Variants in COL4A2 observed in about 807,000 individuals in gnomAD.
COL4A2 encodes collagen alpha-2(IV) chain.
Under a neutral mutation model 200.2 loss-of-function variants are expected in COL4A2, and 99 were observed. That is an observed-to-expected ratio of 0.49 (90% CI 0.42 to 0.58). The LOEUF is 0.58. Among genes scored for constraint, COL4A2 ranks in the 20% least tolerant of loss-of-function variants. The pLI is 0.00. For synonymous variants in COL4A2, 897 were observed against 900.6 expected, an observed-to-expected ratio of 1.00 and a Z score of 0.07; for missense variants, 1,950 against 2,314.1, an observed-to-expected ratio of 0.84 and a Z score of 3.23.
intron 6 of COL4A2, among the ~76,000 whole-genome samples, chr13:110,428,039 C>T (rs918435146): frequency 5.3e-5 from 8 of 152,214 alleles, no homozygotes; most frequent in African/African-American, 1.4e-4. Context: ...CTTCTAAAAT[C>T]TTTCCTAGAA....
chr13:110,486,764 G>A (rs1337643399), intron 34 of COL4A2, among the ~76,000 whole-genome samples: 3 of 150,698 alleles, frequency 2.0e-5, no homozygotes, highest in Non-Finnish European at 2.9e-5. Flanking sequence ...AAGGGGGGTT[G>A]TTCTCTGGCG....
chr13:110,462,818 G>A (rs1882086217), intron 24 of COL4A2, among the ~76,000 whole-genome samples: 1 of 152,274 alleles, frequency 6.6e-6, no homozygotes, highest in Middle Eastern at 3.4e-3. Context: ...CTCAGGGGAG[G>A]CTGGGGTCAG....
intron 3 of COL4A2, among the ~76,000 whole-genome samples, chr13:110,323,803 A>G: frequency 6.6e-6 from 1 of 152,218 alleles, no homozygotes; most frequent in Non-Finnish European, 1.5e-5. Context: ...CAATAGACAG[A>G]GCTGGTGGGA....
intron 39 of COL4A2, 71 bp downstream of exon 39, chr13:110,493,353 C>A: frequency 1.3e-6 from 2 of 1,504,336 alleles, no homozygotes; most frequent in Non-Finnish European, 1.8e-6. Flanking sequence ...GCTGAGTCTG[C>A]CCTCCAGACT....
Position 110,447,618 on chromosome 13 carries a change from C to T in COL4A2, c.1078+754C>T, listed in dbSNP as rs1051090679. On this transcript the variant is annotated intron_variant, in intron 18 of 47. Transcript: ENST00000360467. ...TGATAATCGTGCGTATATATCTTTG[C>T]GGATCATTGGCCCATGTTATAGTCA... Among the ~76,000 whole-genome samples, 9 of 152,234 alleles carry T rather than the reference C, an allele frequency of 5.9e-5. No individual in the cohort carries two copies. In the East Asian group the frequency reaches 1.2e-3, roughly 20 times the overall value.
At chr13:110,353,844 G>T (rs1877069200) in intron 3 of COL4A2, among the ~76,000 whole-genome samples, 1 of 152,222 alleles carries the variant, frequency 6.6e-6, no homozygotes, top group South Asian at 2.1e-4. Flanking sequence ...CGTGGAATGA[G>T]CAGGGCTGCC....
intron 18 of COL4A2, among the ~76,000 whole-genome samples, 157 bp from the exon 19 acceptor site, chr13:110,449,522 G>C (rs1881452665): frequency 6.6e-6 from 1 of 152,192 alleles, no homozygotes; most frequent in Admixed American, 6.5e-5. Flanking sequence ...CCCTTAAAAA[G>C]AGAGACCACC....
intron 40 of COL4A2, among the ~76,000 whole-genome samples, 194 bp from the exon 41 acceptor site, chr13:110,501,474 C>T (rs1464240885): frequency 6.6e-6 from 1 of 152,170 alleles, no homozygotes; most frequent in Non-Finnish European, 1.5e-5. Context: ...TTCACATAGC[C>T]CCTGCCCCCC....
chr13:110,359,233 T>C (rs1367961726), intron 4 of COL4A2, among the ~76,000 whole-genome samples: 3 of 152,220 alleles, frequency 2.0e-5, no homozygotes, highest in Non-Finnish European at 2.9e-5. Flanking sequence ...TGCCCTGATA[T>C]TGGATTTAAT....
At chr13:110,495,608 G>A (rs969415216) in intron 40 of COL4A2, 141 bp downstream of exon 40, 33 of 1,084,404 alleles carry the variant, frequency 3.0e-5, no homozygotes, top group African/African-American at 8.0e-5. Flanking sequence ...AGGACTACCT[G>A]TTGCAGGACC....
At chr13:110,363,730 C>T (rs1877621542) in intron 4 of COL4A2, among the ~76,000 whole-genome samples, 2 of 152,108 alleles carry the variant, frequency 1.3e-5, no homozygotes, top group Admixed American at 6.5e-5. Flanking sequence ...TGTGTATTGC[C>T]GTCATAAACC....
At chr13:110,412,419 T>C (rs1879878394) in intron 4 of COL4A2, among the ~76,000 whole-genome samples, 1 of 152,220 alleles carries the variant, frequency 6.6e-6, no homozygotes, top group East Asian at 1.9e-4. Flanking sequence ...TGCTACTGCC[T>C]GCCACCTCGT....
chr13:110,426,868 G>A (rs917605769), intron 6 of COL4A2, among the ~76,000 whole-genome samples: 3 of 152,142 alleles, frequency 2.0e-5, no homozygotes, highest in African/African-American at 7.2e-5. Flanking sequence ...AAGCTGAAGT[G>A]CAAGGGCCCC....
In COL4A2 at chr13:110,508,248, C is replaced by T. The variant is rs1289985153; in HGVS notation, c.4881+27C>T. The T allele has an allele frequency of 6.2e-7, 1 of 1,607,514 alleles. No individual in the cohort carries two copies. The highest frequency in any genetic ancestry group is 1.1e-5 in the South Asian group (1 of 90,538). On this transcript the variant is annotated intron_variant, in intron 47 of 47. Transcript: ENST00000360467. This position sits in a 1 kb window ranked among gnomAD's most constrained non-coding sequence, Gnocchi z 6.1. ...TATGTGGTATTTGCCCAGTTCCCCT[C>T]CCCAACCACACCCTGCTGGGGACAC... is the stretch of plus-strand genomic sequence containing the variant.
At chr13:110,434,250 C>T in intron 11 of COL4A2, 151 bp from the exon 12 acceptor site, 1 of 681,544 alleles carries the variant, frequency 1.5e-6, no homozygotes, top group Non-Finnish European at 2.5e-6. Context: ...CAATTAGTTT[C>T]TACAATGCAA....
chr13:110,433,749 C>G (rs1880770073), intron 11 of COL4A2, among the ~76,000 whole-genome samples: 1 of 152,202 alleles, frequency 6.6e-6, no homozygotes, highest in Non-Finnish European at 1.5e-5. Flanking sequence ...AATTTGTCAT[C>G]TTGCTTTTTC....
intron 24 of COL4A2, among the ~76,000 whole-genome samples, chr13:110,465,003 C>G (rs1195856826): frequency 6.6e-6 from 1 of 152,214 alleles, no homozygotes; most frequent in Admixed American, 6.5e-5. Context: ...AACGTAGCAT[C>G]TCTTAAAATA....
chr13:110,503,764 C>T lies in COL4A2; in HGVS notation c.4139-83C>T. 3.9e-6 allele frequency: 6 copies of T among 1,539,036 alleles called. No homozygotes were observed. The South Asian group carries it at 5.7e-5, about 15-fold the overall frequency. ...CTGGGAAGCTCCAAAAGAAGCCTCC[C>T]TGGTGAGAAACGCAGTAGCACTCGG... is the stretch of plus-strand genomic sequence containing the variant. On this transcript the variant is annotated intron_variant, in intron 43 of 47. Coordinates refer to ENST00000360467, the MANE Select transcript of COL4A2 (RefSeq NM_001846.4).
At chr13:110,469,143 C>T in intron 27 of COL4A2, 74 bp from the exon 28 acceptor site, 2 of 1,514,006 alleles carry the variant, frequency 1.3e-6, no homozygotes, top group Non-Finnish European at 9.0e-7. Flanking sequence ...CACATTAAGT[C>T]AGATGCCAAG....
Sources: allele counts gnomAD v4.1 joint callset (sites outside exome capture counted in the v4.1 genomes callset), GRCh38; gene constraint gnomAD v4.1.1; non-coding constraint Gnocchi (gnomAD v3.1); transcripts MANE v1.5; gene names NCBI Gene and HGNC (gene_info 2026-07-23, HGNC 2026-07-21).